MYO16: variants seen among roughly 807,000 people sequenced by gnomAD.
MYO16 encodes the protein myosin XVI.
A neutral mutation model predicts 205.3 loss-of-function variants in MYO16; 94 were observed. The observed-to-expected ratio is 0.46, with a 90% CI of 0.39 to 0.54. MYO16 has a LOEUF of 0.54. MYO16 is among the 20% of genes least tolerant of loss of function. The probability of loss-of-function intolerance (pLI) is 0.00; values close to 1 mark genes in which losing one functional copy is unlikely to be tolerated. For missense variants in MYO16, 2,315 were observed against 2,387.5 expected (o/e 0.97, Z 0.63); for synonymous variants, 988 against 954.0 (o/e 1.04, Z -0.66).
chr13:108,846,400 G>A (rs1256822685), intron 10 of MYO16, among the ~76,000 whole-genome samples: 1 of 151,878 alleles, frequency 6.6e-6, no homozygotes, highest in Admixed American at 6.6e-5. Flanking sequence ...TCTTATGGGT[G>A]CTTTCTCTTG....
At chr13:109,015,261 C>T (rs895658971) in intron 22 of MYO16, among the ~76,000 whole-genome samples, 9 of 152,126 alleles carry the variant, frequency 5.9e-5, no homozygotes, top group African/African-American at 2.2e-4. Flanking sequence ...TGATGGATTA[C>T]GTTTATCGAT....
At chr13:108,704,592 C>A (rs944772120) in intron 2 of MYO16, among the ~76,000 whole-genome samples, 3 of 152,062 alleles carry the variant, frequency 2.0e-5, no homozygotes, top group Admixed American at 2.0e-4. Flanking sequence ...TTCCATATAG[C>A]CCCTGCTCTG....
chr13:108,991,204 C>T (rs1170538892), intron 20 of MYO16, among the ~76,000 whole-genome samples: 11 of 152,136 alleles, frequency 7.2e-5, no homozygotes, highest in Middle Eastern at 3.2e-3. Flanking sequence ...GCTACCCTTC[C>T]CTGCCTTCCA....
intron 21 of MYO16, among the ~76,000 whole-genome samples, chr13:109,007,707 C>T (rs277814): frequency 0.84 from 124,011 of 146,840 alleles, 50,705 homozygotes; most frequent in East Asian, 0.91. Flanking sequence ...AAAGGTTTTT[C>T]TTTAAGATTA....
Position 109,143,507 on chromosome 13 carries a change from G to A in MYO16, c.5164+2131G>A, listed in dbSNP as rs1236980517. Among the ~76,000 whole-genome samples, 5 of 152,250 alleles carry A rather than the reference G, an allele frequency of 3.3e-5. No individual in the cohort carries two copies. The East Asian group carries it at 9.6e-4, about 29-fold the overall frequency. On this transcript the variant is annotated intron_variant, in intron 32 of 34. Coordinates refer to ENST00000457511, the MANE Select transcript of MYO16 (RefSeq NM_001198950.3). ...ATGAACAAATTAATATTTGCTTTTAGAACTAAAAGTTTATTAAAACCTCAT... is the reference window on the plus strand; with the variant it reads ...ATGAACAAATTAATATTTGCTTTTAAAACTAAAAGTTTATTAAAACCTCAT...
At chr13:108,526,963 G>A in the MYO16 span, among the ~76,000 whole-genome samples, 1 of 152,140 alleles carries the variant, frequency 6.6e-6, no homozygotes, top group Admixed American at 6.5e-5. Flanking sequence ...TTGTGGAAAG[G>A]CAATAGAGTC....
At chr13:108,959,934 T>C (rs1883517361) in intron 17 of MYO16, among the ~76,000 whole-genome samples, 1 of 151,722 alleles carries the variant, frequency 6.6e-6, no homozygotes, top group Non-Finnish European at 1.5e-5. Flanking sequence ...GTGCCTATCT[T>C]GTAGGTACCG....
chr13:108,860,746 A>G (rs547041988), intron 11 of MYO16, among the ~76,000 whole-genome samples: 1 of 152,324 alleles, frequency 6.6e-6, no homozygotes, highest in South Asian at 2.1e-4. Context: ...AACCATAAGC[A>G]GAAGAGTGAA....
chr13:108,757,749 G>A (rs1267184863), intron 4 of MYO16, among the ~76,000 whole-genome samples: 3 of 151,972 alleles, frequency 2.0e-5, no homozygotes, highest in Non-Finnish European at 4.4e-5. Flanking sequence ...TTGTCCTTGC[G>A]ACAGTTTGCT....
At chr13:109,174,921 G>GTAT (rs1879097403) in intron 33 of MYO16, among the ~76,000 whole-genome samples, 1 of 138,260 alleles carries the variant, frequency 7.2e-6, no homozygotes, top group Non-Finnish European at 1.6e-5. Flanking sequence ...TTTTTTTTTT[G>GTAT]TATTTTTTTT....
At chr13:108,676,294 G>A (rs1882199447) in intron 2 of MYO16, among the ~76,000 whole-genome samples, 1 of 151,030 alleles carries the variant, frequency 6.6e-6, no homozygotes, top group Non-Finnish European at 1.5e-5. Flanking sequence ...GTATTAAAAG[G>A]GAAAAATTTA....
chr13:108,692,154 A>G (rs1304286905), intron 2 of MYO16, among the ~76,000 whole-genome samples: 1 of 152,236 alleles, frequency 6.6e-6, no homozygotes, highest in Non-Finnish European at 1.5e-5. Context: ...GAAAATCTTC[A>G]GTATATTTAA....
At chr13:108,609,089 G>A (rs751022578) in intron 1 of MYO16, among the ~76,000 whole-genome samples, 33 of 152,048 alleles carry the variant, frequency 2.2e-4, no homozygotes, top group Non-Finnish European at 4.0e-4. Flanking sequence ...TTTTCCATAG[G>A]CAGGTTCAGC....
intron 11 of MYO16, among the ~76,000 whole-genome samples, chr13:108,864,607 C>T (rs766036885): frequency 6.6e-6 from 1 of 152,108 alleles, no homozygotes; most frequent in African/African-American, 2.4e-5. Flanking sequence ...CAGCTTACTG[C>T]AGCCTCAACC....
intron 1 of MYO16, among the ~76,000 whole-genome samples, chr13:108,660,135 G>T (rs1470312385): frequency 1.3e-5 from 2 of 152,146 alleles, no homozygotes; most frequent in East Asian, 3.9e-4. Context: ...GGTAGCTATT[G>T]TAGAAGTATA....
At chr13:108,828,816 G>A (rs1050657199) in intron 9 of MYO16, among the ~76,000 whole-genome samples, 4 of 152,164 alleles carry the variant, frequency 2.6e-5, no homozygotes, top group African/African-American at 9.6e-5. Context: ...TGGAGACTCC[G>A]AATTGGTGAG....
chr13:109,054,794 C>T (rs1284823504), intron 25 of MYO16, among the ~76,000 whole-genome samples: 3 of 152,146 alleles, frequency 2.0e-5, no homozygotes, highest in Non-Finnish European at 2.9e-5. Flanking sequence ...AGTGAATGTA[C>T]ATGGATGTGA....
At chr13:108,548,316 T>TTG in the MYO16 span, among the ~76,000 whole-genome samples, 4 of 151,012 alleles carry the variant, frequency 2.6e-5, no homozygotes, top group Non-Finnish European at 5.9e-5. Flanking sequence ...ATGGTGATGA[T>TTG]TGTTGTTGTG....
chr13:108,943,431 A>T (rs1882809483), intron 16 of MYO16, among the ~76,000 whole-genome samples: 1 of 152,166 alleles, frequency 6.6e-6, no homozygotes, highest in Non-Finnish European at 1.5e-5. Flanking sequence ...TTAAAATGTC[A>T]AATGAACCTT....
Sources: allele counts gnomAD v4.1 joint callset (sites outside exome capture counted in the v4.1 genomes callset), GRCh38; gene constraint gnomAD v4.1.1; transcripts MANE v1.5; gene names NCBI Gene and HGNC (gene_info 2026-07-23, HGNC 2026-07-21).